FAM222A: variants seen among roughly 807,000 people sequenced by gnomAD.
FAM222A encodes the protein family with sequence similarity 222 member A, also known as protein FAM222A.
A neutral mutation model predicts 25.8 loss-of-function variants in FAM222A; 7 were observed. That is an observed-to-expected ratio of 0.27 (90% CI 0.15 to 0.51). The LOEUF is 0.51. FAM222A is among the 20% of genes least tolerant of loss of function. The pLI is 0.97. For synonymous variants in FAM222A, 294 were observed against 298.8 expected (o/e 0.98, Z 0.17); for missense variants, 573 against 640.5 (o/e 0.89, Z 1.14).
At chr12:109,720,159 C>G (rs773743095) in intron 1 of FAM222A, 1 of 985,322 alleles carries the variant, frequency 1.0e-6, no homozygotes, top group Non-Finnish European at 1.2e-6. Flanking sequence ...CCACAGCAAG[C>G]CAGCATCCCA....
intron 1 of FAM222A, among the ~76,000 whole-genome samples, chr12:109,718,866 T>C (rs905463951): frequency 6.6e-6 from 1 of 152,232 alleles, no homozygotes; most frequent in African/African-American, 2.4e-5. Context: ...AGGGAGATTC[T>C]GGAAAGGGTG....
intron 2 of FAM222A, among the ~76,000 whole-genome samples, chr12:109,752,856 C>T (rs184340352): frequency 1.4e-3 from 210 of 152,308 alleles, no homozygotes; most frequent in African/African-American, 4.9e-3. Context: ...CAGTTCACTT[C>T]TCTGGGATCC....
chr12:109,754,148 C>T (rs1208188664), intron 2 of FAM222A, among the ~76,000 whole-genome samples: 1 of 152,208 alleles, frequency 6.6e-6, no homozygotes, highest in Non-Finnish European at 1.5e-5. Context: ...TTGATAAAAT[C>T]AGAGGGAGAC....
intron 1 of FAM222A, chr12:109,720,256 G>T: frequency 2.2e-6 from 2 of 892,308 alleles, no homozygotes; most frequent in Non-Finnish European, 2.7e-6. Context: ...AGGGGGTGAG[G>T]CCGAGACTAG....
Position 109,768,711 on chromosome 12 carries a change from A to G in FAM222A, c.782A>G (p.Gln261Arg), listed in dbSNP as rs758043262. ...PDCRKGTELG[Q>R]GATQALTLAG... ...TGCCGGAAAGGCACTGAGCTGGGCC[A>G]GGGAGCCACCCAAGCCTTGACGTTG... The change falls in exon 3 of 3, where the codon CAG becomes CGG. Residue 261 changes from glutamine to arginine, a missense_variant. Gln to Arg is a conservative substitution (Grantham distance 43, BLOSUM62 1). This residue lies in a region of FAM222A where 412 missense variants were observed against 407.0 expected (regional missense o/e 1.01). Transcript: ENST00000538780. 2 of 1,581,566 alleles carry G rather than the reference A, an allele frequency of 1.3e-6. No homozygotes were observed. The highest frequency in any genetic ancestry group is 3.5e-5 in the Admixed American group (2 of 57,272).
At chr12:109,718,511 A>G (rs1189380751) in intron 1 of FAM222A, among the ~76,000 whole-genome samples, 3 of 152,114 alleles carry the variant, frequency 2.0e-5, no homozygotes, top group African/African-American at 7.2e-5. Flanking sequence ...CGGGGGTGAG[A>G]ACGAGGAGGC....
chr12:109,739,759 G>C (rs1250003906), intron 1 of FAM222A, among the ~76,000 whole-genome samples: 1 of 152,212 alleles, frequency 6.6e-6, no homozygotes, highest in Non-Finnish European at 1.5e-5. Flanking sequence ...TACAGTGTGG[G>C]GCTGAGGGAC....
Position 109,768,685 on chromosome 12 carries a change from C to A in FAM222A, c.756C>A (p.Asp252Glu). 1 of 1,590,248 alleles carries A rather than the reference C, an allele frequency of 6.3e-7. No individual in the cohort carries two copies. The highest frequency in any genetic ancestry group is 8.5e-7 in the Non-Finnish European group (1 of 1,174,156). The change falls in exon 3 of 3, where the codon GAC (aspartate) becomes GAA (glutamate). Residue 252 changes from aspartate to glutamate, a missense_variant. Asp to Glu is a conservative substitution (Grantham distance 45). Transcript: ENST00000538780. ...ACTCGGCTGCAGCCGGTCTGCCCGA[C>A]TGCCGGAAAGGCACTGAGCTGGGCC... The part of the protein sequence containing the change: ...MAYSAAAGLP[D>E]CRKGTELGQG...
chr12:109,718,665 G>T (rs916109840), intron 1 of FAM222A, among the ~76,000 whole-genome samples: 17 of 152,232 alleles, frequency 1.1e-4, no homozygotes, highest in African/African-American at 3.9e-4. Flanking sequence ...GTTGCGGGCC[G>T]CGGGAGGAGG....
In FAM222A at chr12:109,768,988, G is replaced by A; in HGVS notation, c.1059G>A (p.Leu353=). The A allele has an allele frequency of 5.7e-6, 9 of 1,574,470 alleles. No homozygotes were observed. The highest frequency in any genetic ancestry group is 7.7e-6 in the Non-Finnish European group (9 of 1,163,874). The change falls in exon 3 of 3, where the codon CTG becomes CTA. Residue 353 remains leucine, a synonymous_variant. Coordinates refer to ENST00000538780, the MANE Select transcript of FAM222A (RefSeq NM_032829.3). ...TTGCGGCCCCGTGGAACAGTGTGCT[G>A]GTGACACCCACCAGCGACTGCTACA... ...QYFAAPWNSV[L]VTPTSDCYNP...
intron 1 of FAM222A, among the ~76,000 whole-genome samples, chr12:109,743,160 A>G (rs1175612400): frequency 1.3e-5 from 2 of 152,064 alleles, no homozygotes; most frequent in South Asian, 2.1e-4. Context: ...CCTTAGCAAG[A>G]AGGGAGGAAG....
intron 1 of FAM222A, among the ~76,000 whole-genome samples, chr12:109,743,433 T>A (rs79795831): frequency 0.016 from 2,441 of 151,970 alleles, 62 homozygotes; most frequent in African/African-American, 0.056. Flanking sequence ...TCTCTGCCCT[T>A]CCCATTCAGG....
intron 2 of FAM222A, among the ~76,000 whole-genome samples, chr12:109,758,197 GCA>G (rs1315090197): frequency 6.6e-6 from 1 of 152,204 alleles, no homozygotes; most frequent in African/African-American, 2.4e-5. Flanking sequence ...GAGCATCTCA[GCA>G]CACGTATGTA....
chr12:109,754,413 C>T (rs1358189139), intron 2 of FAM222A, among the ~76,000 whole-genome samples: 1 of 151,970 alleles, frequency 6.6e-6, no homozygotes, highest in East Asian at 1.9e-4. Flanking sequence ...AAGACTTTAG[C>T]AACGTAAGAT....
At chr12:109,742,572 TC>T (rs1016109623) in intron 1 of FAM222A, among the ~76,000 whole-genome samples, 2 of 150,656 alleles carry the variant, frequency 1.3e-5, no homozygotes, top group African/African-American at 4.9e-5. Flanking sequence ...GAGAATCACC[TC>T]CCCTCCCCTC....
At chr12:109,732,892 C>T (rs17672565) in intron 1 of FAM222A, among the ~76,000 whole-genome samples, 16,289 of 152,300 alleles carry the variant, frequency 0.11, 930 homozygotes, top group Middle Eastern at 0.19. Flanking sequence ...TGTGCCCCAT[C>T]GTGCAGACAC....
chr12:109,744,564 T>A, intron 2 of FAM222A: 1 of 985,356 alleles, frequency 1.0e-6, no homozygotes, highest in Non-Finnish European at 1.2e-6. Context: ...ACCATTAAAG[T>A]AGGATGACGT....
At chr12:109,729,574 A>G (rs1435057131) in intron 1 of FAM222A, among the ~76,000 whole-genome samples, 1 of 152,160 alleles carries the variant, frequency 6.6e-6, no homozygotes, top group African/African-American at 2.4e-5. Context: ...CCTGCAAGGG[A>G]AAAAAAACAC....
rs1225157618 is a variant in FAM222A at position 109,714,026 on chromosome 12, C to G, written c.-918C>G. On this transcript the variant is annotated 5_prime_UTR_variant, in exon 1 of 3. Transcript: ENST00000538780. This position sits in a 1 kb window ranked among gnomAD's most constrained non-coding sequence, Gnocchi z 4.2. ...CGGCCCCGGGAGCCCCCGCGCGCCG[C>G]CCGGGGCCATGGGCGCGTGAGAGCC... Among the ~76,000 whole-genome samples, 1 of 148,694 alleles carries G rather than the reference C, an allele frequency of 6.7e-6. No homozygotes were observed.
Sources: gnomAD v4.1 joint callset for allele counts (sites outside exome capture counted in the v4.1 genomes callset) on GRCh38, gnomAD v4.1.1 for gene constraint, gnomAD v4.1.1 regional missense constraint, Gnocchi (gnomAD v3.1) non-coding constraint, MANE v1.5 for transcripts, NCBI Gene and HGNC (gene_info 2026-07-23, HGNC 2026-07-21) for gene names.